The following TBL1X variants were observed in gnomAD, a reference collection of about 807,000 sequenced individuals.
The protein encoded by TBL1X is transducin beta like 1 X-linked.
TBL1X carries 10 observed loss-of-function variants against 50.7 expected under a neutral mutation model. The observed-to-expected ratio is 0.20, with a 90% CI of 0.12 to 0.33. The LOEUF is 0.33. Ranked by LOEUF, TBL1X falls within the 10% of genes least tolerant of loss-of-function variation. The pLI, the probability that TBL1X is intolerant of heterozygous loss-of-function variation, is 1.00. For synonymous variants in TBL1X, 190 were observed against 214.7 expected (o/e 0.88, Z 1.01); for missense variants, 340 against 504.4 (o/e 0.67, Z 3.12).
intron 13 of TBL1X, 144 bp downstream of exon 13, chrX:9,705,258 C>G: frequency 2.1e-6 from 2 of 971,809 alleles, no homozygotes; most frequent in South Asian, 4.5e-5. Context: ...CATGGTTACC[C>G]CATGGTAACC....
At chrX:9,707,364 C>T (rs1254315362) in intron 13 of TBL1X, among the ~76,000 whole-genome samples, 1 of 112,347 alleles carries the variant, frequency 8.9e-6, no homozygotes, top group Non-Finnish European at 1.9e-5. Context: ...TCTCCTCTAA[C>T]CCTGGACTAT....
intron 2 of TBL1X, among the ~76,000 whole-genome samples, chrX:9,511,728 C>T (rs765156291): frequency 3.6e-5 from 4 of 112,407 alleles, no homozygotes; most frequent in South Asian, 7.3e-4. Flanking sequence ...TTGGAAATGA[C>T]GTTGGCAATT....
rs976733445 is a variant in TBL1X, at chrX:9,519,434, A to G, written c.-131+17585A>G. On this transcript the variant is annotated intron_variant, in intron 2 of 17. Coordinates refer to ENST00000645353, the MANE Select transcript of TBL1X (RefSeq NM_005647.4). ...CCTACTTGTATATTTTTCATTGCAA[A>G]TGTACATTTCAGTTACGTTGTGGGC... Among the ~76,000 whole-genome samples, 7 of 111,076 alleles carry G rather than the reference A, an allele frequency of 6.3e-5. No homozygotes were observed. In the South Asian group the frequency reaches 2.6e-3, roughly 42 times the overall value.
chrX:9,716,067 C>A (rs1196329164), intron 17 of TBL1X, among the ~76,000 whole-genome samples, 153 bp from the exon 18 acceptor site: 5 of 112,344 alleles, frequency 4.5e-5, no homozygotes, highest in Non-Finnish European at 9.4e-5. Context: ...GAGAGCTTCT[C>A]TGACCCTTCA....
chrX:9,577,476 T>G, intron 2 of TBL1X, among the ~76,000 whole-genome samples: 1 of 111,392 alleles, frequency 9.0e-6, no homozygotes, highest in East Asian at 2.8e-4. Context: ...GAATAGTGCT[T>G]CTCAAAGCGG....
In TBL1X at chrX:9,517,399, A is replaced by G. The variant is rs766339308; in HGVS notation, c.-131+15550A>G. 3.6e-5 allele frequency among the ~76,000 whole-genome samples: 4 copies of G among 111,158 alleles called. No individual in the cohort carries two copies. In the South Asian group the frequency reaches 1.5e-3, roughly 43 times the overall value. ...CCAGGCAGGAGCATAACCCAGCCCC[A>G]AGGGGAGATAAAGACAGAAAGAATC... On this transcript the variant is annotated intron_variant, in intron 2 of 17. Coordinates refer to ENST00000645353, the MANE Select transcript of TBL1X (RefSeq NM_005647.4).
intron 2 of TBL1X, among the ~76,000 whole-genome samples, chrX:9,599,722 A>G (rs751986663): frequency 5.4e-4 from 61 of 112,780 alleles, no homozygotes; most frequent in African/African-American, 1.9e-3. Flanking sequence ...TTTTGCATAT[A>G]GGTTTCCCCA....
At chrX:9,497,121 A>G (rs2081974777) in intron 1 of TBL1X, among the ~76,000 whole-genome samples, 2 of 111,662 alleles carry the variant, frequency 1.8e-5, no homozygotes, top group Non-Finnish European at 3.8e-5. Flanking sequence ...CGTTAAAGAT[A>G]TCCATGGCCT....
chrX:9,613,985 CAAAAA>C (rs34481376), intron 2 of TBL1X, among the ~76,000 whole-genome samples: 2 of 50,251 alleles, frequency 4.0e-5, no homozygotes, highest in African/African-American at 7.4e-5. Context: ...GACTCCATCT[CAAAAA>C]AAAAAAAAAA....
intron 2 of TBL1X, among the ~76,000 whole-genome samples, chrX:9,600,263 C>G (rs1013300998): frequency 9.1e-6 from 1 of 109,974 alleles, no homozygotes; most frequent in Non-Finnish European, 1.9e-5. Context: ...GTTTTGGTGT[C>G]TGGTGAGGGC....
intron 2 of TBL1X, among the ~76,000 whole-genome samples, chrX:9,568,772 C>T (rs1307955721): frequency 9.9e-6 from 1 of 101,003 alleles, no homozygotes; most frequent in Admixed American, 1.1e-4. Flanking sequence ...TCTATCTGTG[C>T]AGTGTGCTGT....
rs755352161 is a variant in TBL1X at position 9,531,354 on chromosome X, G to GGGGTGT, written c.-131+29506_-131+29507insGGTGTG. On this transcript the variant is annotated intron_variant, in intron 2 of 17. Transcript: ENST00000645353. Reference sequence around the variant, plus strand: ...ACTTTTTTGAACTAAGAACCTGGAGGGTGTGTGTGTGTGTGTGTGTGTGTG... The same window carrying GGGGTGT: ...ACTTTTTTGAACTAAGAACCTGGAGGGGGTGTGTGTGTGTGTGTGTGTGTGTGTGTG... Among the ~76,000 whole-genome samples the GGGGTGT allele has an allele frequency of 6.2e-4, 47 of 75,217 alleles. 1 individual carries two copies. The highest frequency in any genetic ancestry group is 2.7e-3 in the Admixed American group (16 of 5,976). 65.3% of individuals were successfully genotyped at this position (75,217 alleles called of 115,157 possible).
At chrX:9,685,701 CTT>C (rs1327029875) in intron 6 of TBL1X, among the ~76,000 whole-genome samples, 1 of 94,441 alleles carries the variant, frequency 1.1e-5, no homozygotes, top group Non-Finnish European at 2.1e-5. Context: ...ATCCTGTTCT[CTT>C]TTTCTTTTCT....
At chrX:9,492,176 C>G (rs1228719475) in intron 1 of TBL1X, among the ~76,000 whole-genome samples, 1 of 111,751 alleles carries the variant, frequency 8.9e-6, no homozygotes, top group Non-Finnish European at 1.9e-5. Context: ...TTCTTTTCTT[C>G]CTGGCTCCCC....
chrX:9,666,510 A>G (rs2082931905), intron 5 of TBL1X, among the ~76,000 whole-genome samples: 1 of 112,277 alleles, frequency 8.9e-6, no homozygotes, highest in African/African-American at 3.2e-5. Context: ...AATAAAGGCA[A>G]TTTAAAATAT....
In TBL1X at chrX:9,608,345, G is replaced by T. The variant is rs140282785; in HGVS notation, c.-130-31928G>T. 7.8e-3 allele frequency among the ~76,000 whole-genome samples: 867 copies of T among 111,827 alleles called. 9 individuals are homozygous for T. Among genetic ancestry groups the T allele is most frequent in the African/African-American group, 0.026 (811 of 30,709 alleles). ...TAGTATTCTTTCAAAATCCCCACTC[G>T]GGTGGAGGAGGGGTGTTAAGCATCT... On this transcript the variant is annotated intron_variant, in intron 2 of 17. Coordinates refer to ENST00000645353, the MANE Select transcript of TBL1X (RefSeq NM_005647.4).
At chrX:9,708,703 C>CAAA (rs35805085) in intron 13 of TBL1X, among the ~76,000 whole-genome samples, 5 of 72,194 alleles carry the variant, frequency 6.9e-5, no homozygotes, top group Non-Finnish European at 7.8e-5. Flanking sequence ...GCAAAAATCC[C>CAAA]AAAAAAAAAA....
intron 2 of TBL1X, among the ~76,000 whole-genome samples, chrX:9,590,969 G>A (rs1300852739): frequency 1.1e-5 from 1 of 94,629 alleles, no homozygotes; most frequent in African/African-American, 3.9e-5. Context: ...TGCCCAAATC[G>A]TTATGCAGTG....
intron 3 of TBL1X, among the ~76,000 whole-genome samples, chrX:9,643,727 AAC>A (rs1393266310): frequency 2.7e-5 from 3 of 111,249 alleles, no homozygotes; most frequent in Admixed American, 1.9e-4. Context: ...CAGAGGTGGT[AAC>A]ACATACCTGT....
Sources: gnomAD v4.1 joint callset for allele counts (sites outside exome capture counted in the v4.1 genomes callset) on GRCh38, gnomAD v4.1.1 for gene constraint, MANE v1.5 for transcripts, NCBI Gene and HGNC (gene_info 2026-07-23, HGNC 2026-07-21) for gene names.